OTUD6B: variants seen among roughly 807,000 people sequenced by gnomAD.
OTUD6B encodes the protein deubiquitinase OTUD6B.
A neutral mutation model predicts 36.9 loss-of-function variants in OTUD6B; 41 were observed. That is an observed-to-expected ratio of 1.11 (90% CI 0.87 to 1.44). The LOEUF is 1.44. Among genes scored for constraint, OTUD6B ranks in the 40% most tolerant of loss-of-function variants. The pLI, the probability that OTUD6B is intolerant of heterozygous loss-of-function variation, is 0.00. For missense variants in OTUD6B, 356 were observed against 344.8 expected, an observed-to-expected ratio of 1.03 and a Z score of -0.26; for synonymous variants, 114 against 114.2, an observed-to-expected ratio of 1.00 and a Z score of 0.01.
chr8:91,079,784 G>C (rs1202817280), intron 4 of OTUD6B, among the ~76,000 whole-genome samples: 1 of 152,092 alleles, frequency 6.6e-6, no homozygotes, highest in Non-Finnish European at 1.5e-5. Flanking sequence ...GGAGGTGGCA[G>C]TTCAGTATGC....
rs1255974412 is a variant in OTUD6B at position 91,077,774 on chromosome 8, C to T, written c.316-582C>T. Among the ~76,000 whole-genome samples, 3 of 151,974 alleles carry T rather than the reference C, an allele frequency of 2.0e-5. No homozygotes were observed. The East Asian group carries it at 5.8e-4, about 29-fold the overall frequency. On this transcript the variant is annotated intron_variant, in intron 3 of 6. Coordinates refer to ENST00000404789, the MANE Select transcript of OTUD6B (RefSeq NM_016023.5). ...ACAATCTAGAAGGATGCATACCAAA[C>T]CTCTAGAGCAAGCACTGGGATGGCA...
chr8:91,080,461 C>A, intron 4 of OTUD6B: 1 of 596,130 alleles, frequency 1.7e-6, no homozygotes, highest in Non-Finnish European at 2.1e-6. Context: ...AAATGGACTG[C>A]TTTGTTCTTG....
intron 1 of OTUD6B, 147 bp from the exon 2 acceptor site, chr8:91,070,991 C>A: frequency 2.2e-6 from 3 of 1,334,478 alleles, no homozygotes; most frequent in Non-Finnish European, 2.9e-6. Context: ...GATCTTCTCT[C>A]TCTGTAGCTG....
rs184392049 is a variant in OTUD6B at position 91,079,685 on chromosome 8, A to G, written c.629-984A>G. On this transcript the variant is annotated intron_variant, in intron 4 of 6. Coordinates refer to ENST00000404789, the MANE Select transcript of OTUD6B (RefSeq NM_016023.5). ...CATATATTTTGATATATGCATAGGC[A>G]ATGTGATAAATGACTCTTCTGTCAT... is the stretch of plus-strand genomic sequence containing the variant. Among the ~76,000 whole-genome samples the G allele has an allele frequency of 1.4e-4, 22 of 151,754 alleles. 1 individual carries two copies. In the East Asian group the frequency reaches 4.2e-3, roughly 29 times the overall value.
In OTUD6B at chr8:91,070,375, C is replaced by A; in HGVS notation, c.-10C>A. The A allele has an allele frequency of 1.2e-6, 2 of 1,611,332 alleles. No individual in the cohort carries two copies. Among genetic ancestry groups the A allele is most frequent in the Non-Finnish European group, 1.7e-6 (2 of 1,178,770 alleles). ...TTCTTCTAGCGCGTGTGCTGGGGTA[C>A]CTGGTCGTCATGGAGGCGGTATTGA... On this transcript the variant is annotated 5_prime_UTR_variant, in exon 1 of 7. Transcript: ENST00000404789.
Position 91,084,831 on chromosome 8 carries a change from C to T in OTUD6B, c.845C>T (p.Thr282Ile), listed in dbSNP as rs1460884196. ...YGLGEHYNSV[T>I]RLVNIVTENC... is the part of the protein sequence containing the mutation. ...TTAGGAGAACATTATAATTCGGTTA[C>T]ACGGTTGGTAAACATAGTTACTGAA... The change falls in exon 7 of 7, where the codon ACA becomes ATA. Residue 282 changes from threonine to isoleucine, a missense_variant. Coordinates refer to ENST00000404789, the MANE Select transcript of OTUD6B (RefSeq NM_016023.5). 6.3e-7 allele frequency: 1 copy of T among 1,579,324 alleles called. No homozygotes were observed. The highest frequency in any genetic ancestry group is 8.6e-7 in the Non-Finnish European group (1 of 1,156,900).
chr8:91,084,179 A>G (rs941070996), intron 6 of OTUD6B, 65 bp downstream of exon 6: 3 of 948,198 alleles, frequency 3.2e-6, no homozygotes, highest in African/African-American at 1.7e-5. Flanking sequence ...ATATTAAAAA[A>G]TTTAGATTAT....
intron 1 of OTUD6B, 73 bp from the exon 2 acceptor site, chr8:91,071,065 C>T: frequency 2.5e-6 from 4 of 1,580,580 alleles, no homozygotes; most frequent in Admixed American, 2.0e-5. Flanking sequence ...CGTTACCATC[C>T]CCTTATTGGT....
At chr8:91,078,234 T>C (rs1812836574) in intron 3 of OTUD6B, 122 bp from the exon 4 acceptor site, 1 of 1,439,788 alleles carries the variant, frequency 6.9e-7, no homozygotes, top group African/African-American at 1.4e-5. Flanking sequence ...GTGATAGTGT[T>C]TGTGCGAGAA....
Position 91,071,177 on chromosome 8 carries a change from A to T in OTUD6B, c.122A>T (p.Asp41Val), listed in dbSNP as rs1812688656. The change falls in exon 2 of 7, where the codon GAC becomes GTC. Residue 41 changes from aspartate (D) to valine (V), a missense_variant. Physicochemically the swap from Asp to Val is radical, Grantham distance 152. Coordinates refer to ENST00000404789, the MANE Select transcript of OTUD6B (RefSeq NM_016023.5). Reference sequence around the variant, plus strand: ...ATGAAGAATGCTGTTCCCAAGAATGACAAGAAGAGGAGGAAGCAACTCACC... The same window carrying T: ...ATGAAGAATGCTGTTCCCAAGAATGTCAAGAAGAGGAGGAAGCAACTCACC... ...QGMKNAVPKN[D>V]KKRRKQLTED... The T allele has an allele frequency of 2.5e-6, 4 of 1,613,714 alleles. No homozygotes were observed. The highest frequency in any genetic ancestry group is 2.5e-6 in the Non-Finnish European group (3 of 1,179,768).
At chr8:91,073,307 T>C (rs1267030404) in intron 2 of OTUD6B, among the ~76,000 whole-genome samples, 3 of 152,202 alleles carry the variant, frequency 2.0e-5, no homozygotes, top group Non-Finnish European at 2.9e-5. Flanking sequence ...TCAAATGATA[T>C]TACAAATTAA....
rs1209639979 is a variant in OTUD6B at position 91,084,071 on chromosome 8, A to G, written c.754A>G (p.Ile252Val). ...IEIIQADSPPIIVGEEYSKKP... is the reference protein window; with the variant it reads ...IEIIQADSPPVIVGEEYSKKP... Reference sequence around the variant, plus strand: ...GATAATACAGGCAGATTCTCCTCCCATTATAGTTGGTGAAGAATATTCAAA... The same window carrying G: ...GATAATACAGGCAGATTCTCCTCCCGTTATAGTTGGTGAAGAATATTCAAA... Residue 252 changes from isoleucine (I) to valine (V), a missense_variant, in exon 6 of 7, where the codon ATT (isoleucine) becomes GTT (valine). Coordinates refer to ENST00000404789, the MANE Select transcript of OTUD6B (RefSeq NM_016023.5). 7 of 1,575,750 alleles carry G rather than the reference A, an allele frequency of 4.4e-6. No individual in the cohort carries two copies. The highest frequency in any genetic ancestry group is 1.3e-5 in the African/African-American group (1 of 74,182).
At chr8:91,076,280 A>G (rs1045044880) in intron 3 of OTUD6B, among the ~76,000 whole-genome samples, 4 of 152,010 alleles carry the variant, frequency 2.6e-5, no homozygotes, top group Non-Finnish European at 5.9e-5. Flanking sequence ...ATACGTTTTT[A>G]TTAGAACTTA....
chr8:91,077,249 C>CA (rs1322536726), intron 3 of OTUD6B, among the ~76,000 whole-genome samples: 2 of 151,960 alleles, frequency 1.3e-5, no homozygotes, highest in African/African-American at 2.4e-5. Context: ...CACACATACA[C>CA]ATACACACAC....
intron 2 of OTUD6B, among the ~76,000 whole-genome samples, chr8:91,071,811 A>G (rs186841943): frequency 2.4e-4 from 37 of 152,302 alleles, no homozygotes; most frequent in Non-Finnish European, 3.8e-4. Context: ...TTCTTTACCT[A>G]TTTACTTGCC....
chr8:91,080,806 T>A, intron 5 of OTUD6B, 76 bp downstream of exon 5: 3 of 1,023,024 alleles, frequency 2.9e-6, no homozygotes, highest in Non-Finnish European at 4.4e-6. Flanking sequence ...TTTAGATGTT[T>A]CTCAGCTGAT....
chr8:91,075,768 G>A (rs1258659180), intron 3 of OTUD6B, among the ~76,000 whole-genome samples: 3 of 151,996 alleles, frequency 2.0e-5, no homozygotes, highest in Non-Finnish European at 4.4e-5. Flanking sequence ...ATGCACAATC[G>A]GGTGTTAGAT....
rs1442655749 is a variant in OTUD6B, at chr8:91,083,551, ATT to A, written c.691-452_691-451del. On this transcript the variant is annotated intron_variant, in intron 5 of 6. Coordinates refer to ENST00000404789, the MANE Select transcript of OTUD6B (RefSeq NM_016023.5). ...GAAATTCGAAATGCTCCCAAATCAA[ATT>A]TTTTGAGGGCTGACATCACAAGTGG... Among the ~76,000 whole-genome samples the A allele has an allele frequency of 2.0e-5, 3 of 152,274 alleles. No individual in the cohort carries two copies. In the East Asian group the frequency reaches 5.8e-4, roughly 29 times the overall value.
intron 6 of OTUD6B, 186 bp from the exon 7 acceptor site, chr8:91,084,598 C>A: frequency 3.1e-6 from 1 of 324,854 alleles, no homozygotes; most frequent in Non-Finnish European, 4.4e-6. Context: ...CCAGATCTTG[C>A]TGACTGCTGC....
Sources: allele counts gnomAD v4.1 joint callset (sites outside exome capture counted in the v4.1 genomes callset), GRCh38; gene constraint gnomAD v4.1.1; transcripts MANE v1.5; gene names NCBI Gene and HGNC (gene_info 2026-07-23, HGNC 2026-07-21).